Variants in ZBTB7C observed in about 807,000 individuals in gnomAD.
ZBTB7C encodes the protein zinc finger and BTB domain containing 7C.
Under a neutral mutation model 25.7 loss-of-function variants are expected in ZBTB7C, and 8 were observed. The observed-to-expected ratio is 0.31, with a 90% CI of 0.18 to 0.56. ZBTB7C has a LOEUF of 0.56. Ranked by LOEUF, ZBTB7C falls within the 20% of genes least tolerant of loss-of-function variation. The pLI, the probability that ZBTB7C is intolerant of heterozygous loss-of-function variation, is 0.91. For missense variants in ZBTB7C, 824 were observed against 855.2 expected, an observed-to-expected ratio of 0.96 and a Z score of 0.46; for synonymous variants, 394 against 369.0, an observed-to-expected ratio of 1.07 and a Z score of -0.78.
intron 3 of ZBTB7C, among the ~76,000 whole-genome samples, chr18:48,078,989 T>C (rs1362967526): frequency 1.3e-5 from 2 of 152,250 alleles, no homozygotes; most frequent in East Asian, 1.9e-4. Context: ...TTTTGACTAT[T>C]GTGAATAGCG....
intron 3 of ZBTB7C, among the ~76,000 whole-genome samples, chr18:48,128,173 C>T (rs944040722): frequency 6.6e-6 from 1 of 152,254 alleles, no homozygotes; most frequent in African/African-American, 2.4e-5. Flanking sequence ...CTGGTTCTCC[C>T]TGCAATGCCC....
chr18:48,239,605 C>T (rs2043470030), intron 2 of ZBTB7C, among the ~76,000 whole-genome samples: 1 of 152,108 alleles, frequency 6.6e-6, no homozygotes. Flanking sequence ...ATGGCTAGAC[C>T]CAGAAAAGCA....
intron 1 of ZBTB7C, among the ~76,000 whole-genome samples, chr18:48,371,052 T>C (rs1361529590): frequency 6.6e-6 from 1 of 152,166 alleles, no homozygotes. Flanking sequence ...AGGGTAGGTG[T>C]GTGATACGTG....
intron 3 of ZBTB7C, among the ~76,000 whole-genome samples, chr18:48,161,793 A>C (rs1598999689): frequency 9.3e-6 from 1 of 107,810 alleles, no homozygotes; most frequent in African/African-American, 3.5e-5. Context: ...CTCTCCCTCC[A>C]CTCTGCGCCC....
rs144694277 is a variant in ZBTB7C, at chr18:48,142,976, G to A, written c.-17+42958C>T. On this transcript the variant is annotated intron_variant, in intron 3 of 4. Coordinates refer to ENST00000590800, the MANE Select transcript of ZBTB7C (RefSeq NM_001318841.2). ...GGCTATAAAGTGGTGAACAATCCACGTGGTCTCCACCCTTATGGAGCTGAC... is the reference window on the plus strand; with the variant it reads ...GGCTATAAAGTGGTGAACAATCCACATGGTCTCCACCCTTATGGAGCTGAC... Among the ~76,000 whole-genome samples the A allele has an allele frequency of 2.5e-4, 38 of 150,148 alleles. 1 individual carries two copies. In the East Asian group the frequency reaches 7.0e-3, roughly 27 times the overall value.
intron 2 of ZBTB7C, among the ~76,000 whole-genome samples, chr18:48,256,130 T>TAA (rs200915993): frequency 1.3e-5 from 2 of 151,794 alleles, no homozygotes; most frequent in African/African-American, 4.8e-5. Flanking sequence ...ACTTTATTTT[T>TAA]AAAAAAAACT....
At chr18:48,074,021 T>C (rs1237592967) in intron 3 of ZBTB7C, among the ~76,000 whole-genome samples, 1 of 151,612 alleles carries the variant, frequency 6.6e-6, no homozygotes, top group Non-Finnish European at 1.5e-5. Flanking sequence ...TTTCTTTTTT[T>C]TTTTTTTTTT....
At chr18:48,228,745 T>TCACACA (rs1375739209) in intron 2 of ZBTB7C, among the ~76,000 whole-genome samples, 20 of 136,736 alleles carry the variant, frequency 1.5e-4, no homozygotes, top group African/African-American at 3.2e-4. Context: ...TCTCTCTCTC[T>TCACACA]CTCACACACA....
intron 2 of ZBTB7C, among the ~76,000 whole-genome samples, chr18:48,204,459 G>T (rs769445061): frequency 6.6e-6 from 1 of 152,076 alleles, no homozygotes; most frequent in African/African-American, 2.4e-5. Flanking sequence ...TTATAATCTC[G>T]CTGGGAGACA....
chr18:48,327,163 C>T (rs1413528729), intron 2 of ZBTB7C, among the ~76,000 whole-genome samples: 4 of 152,030 alleles, frequency 2.6e-5, no homozygotes, highest in Non-Finnish European at 5.9e-5. Flanking sequence ...TCTGTCTCTT[C>T]GTGGAAAAGA....
At chr18:48,124,269 C>A (rs183384965) in intron 3 of ZBTB7C, among the ~76,000 whole-genome samples, 1 of 152,162 alleles carries the variant, frequency 6.6e-6, no homozygotes, top group Non-Finnish European at 1.5e-5. Context: ...GGATGGCAGG[C>A]GGTGGGAATG....
chr18:48,154,740 C>T (rs1246680453), intron 3 of ZBTB7C, among the ~76,000 whole-genome samples: 1 of 152,182 alleles, frequency 6.6e-6, no homozygotes, highest in Non-Finnish European at 1.5e-5. Context: ...AATGCACTCG[C>T]CCTCACCCTC....
chr18:48,228,256 T>G (rs915265720), intron 2 of ZBTB7C, among the ~76,000 whole-genome samples: 1 of 152,154 alleles, frequency 6.6e-6, no homozygotes, highest in Non-Finnish European at 1.5e-5. Flanking sequence ...ATTTCACCTG[T>G]GCGGGCCTCA....
intron 3 of ZBTB7C, among the ~76,000 whole-genome samples, chr18:48,173,231 T>C (rs1292949507): frequency 1.3e-5 from 2 of 152,110 alleles, no homozygotes; most frequent in African/African-American, 4.8e-5. Flanking sequence ...TCCAAGAAAC[T>C]CATGATGATT....
At chr18:48,188,947 A>C (rs1301805905) in intron 2 of ZBTB7C, among the ~76,000 whole-genome samples, 1 of 152,196 alleles carries the variant, frequency 6.6e-6, no homozygotes, top group East Asian at 1.9e-4. Context: ...ACAGCCCGTA[A>C]TCAATCACTT....
intron 3 of ZBTB7C, among the ~76,000 whole-genome samples, chr18:48,151,560 G>T (rs1383045495): frequency 6.6e-6 from 1 of 152,104 alleles, no homozygotes; most frequent in African/African-American, 2.4e-5. Context: ...GATTGTCGAA[G>T]CGACCTGTGA....
chr18:48,392,580 T>C (rs543467543), intron 1 of ZBTB7C, among the ~76,000 whole-genome samples: 1 of 152,358 alleles, frequency 6.6e-6, no homozygotes, highest in East Asian at 1.9e-4. Context: ...AAGAACTGCC[T>C]GAAAATCAGT....
At chr18:48,260,791 C>T (rs528957622) in intron 2 of ZBTB7C, among the ~76,000 whole-genome samples, 20 of 152,354 alleles carry the variant, frequency 1.3e-4, no homozygotes, top group East Asian at 3.9e-4. Context: ...GCCATTTTGA[C>T]GTCCTTGCTC....
intron 3 of ZBTB7C, among the ~76,000 whole-genome samples, chr18:48,110,101 A>G (rs2144660869): frequency 6.6e-6 from 1 of 152,290 alleles, no homozygotes; most frequent in Middle Eastern, 3.4e-3. Flanking sequence ...GCTTTATTGA[A>G]TTTATGGTGA....
Sources: gnomAD v4.1 joint callset for allele counts (sites outside exome capture counted in the v4.1 genomes callset) on GRCh38, gnomAD v4.1.1 for gene constraint, MANE v1.5 for transcripts, NCBI Gene and HGNC (gene_info 2026-07-23, HGNC 2026-07-21) for gene names.